TMEM38B: variants seen among roughly 807,000 people sequenced by gnomAD.
TMEM38B encodes transmembrane protein 38B, also known as trimeric intracellular cation channel type B.
TMEM38B carries 24 observed loss-of-function variants against 28.7 expected under a neutral mutation model. The observed-to-expected ratio is 0.84, with a 90% CI of 0.61 to 1.18. The LOEUF (loss-of-function observed/expected upper bound fraction) is 1.18. Among genes scored for constraint, TMEM38B ranks in the 50% most tolerant of loss-of-function variants. TMEM38B has a pLI of 0.00. For missense variants in TMEM38B, 380 were observed against 350.9 expected (o/e 1.08, Z -0.66); for synonymous variants, 131 against 127.7 (o/e 1.03, Z -0.17).
chr9:105,742,821 A>G (rs2133609103), intron 4 of TMEM38B, among the ~76,000 whole-genome samples: 1 of 152,318 alleles, frequency 6.6e-6, no homozygotes, highest in East Asian at 1.9e-4. Context: ...ATATAATTCC[A>G]TGTTTTTATC....
chr9:105,763,615 G>A (rs1838149008), intron 5 of TMEM38B, among the ~76,000 whole-genome samples: 1 of 152,170 alleles, frequency 6.6e-6, no homozygotes, highest in Admixed American at 6.5e-5. Flanking sequence ...AAAGAGTCCA[G>A]GACCAGACAG....
In TMEM38B at chr9:105,701,986, A is replaced by G. The variant is rs530989754; in HGVS notation, c.113-3611A>G. ...TCCCAGCACTTTGGGAGGCTGAGGC[A>G]GGAGGATCACTTGAGGCCAGAAGTT... On this transcript the variant is annotated intron_variant, in intron 1 of 5. Coordinates refer to ENST00000374692, the MANE Select transcript of TMEM38B (RefSeq NM_018112.3). 5.9e-5 allele frequency among the ~76,000 whole-genome samples: 9 copies of G among 152,310 alleles called. No individual in the cohort carries two copies. The East Asian group carries it at 1.7e-3, about 29-fold the overall frequency.
intron 2 of TMEM38B, chr9:105,710,806 G>GGAGA: frequency 2.3e-6 from 1 of 437,846 alleles, no homozygotes; most frequent in Non-Finnish European, 4.4e-6. Flanking sequence ...TCCACTGGGT[G>GGAGA]CACTAACGGG....
chr9:105,710,156 A>G (rs1477466650), intron 2 of TMEM38B: 1 of 272,740 alleles, frequency 3.7e-6, no homozygotes, highest in South Asian at 7.7e-5. Flanking sequence ...ATATTTGTAC[A>G]GTATTCATAC....
chr9:105,768,849 C>T (rs10117187), intron 5 of TMEM38B, among the ~76,000 whole-genome samples: 1 of 151,880 alleles, frequency 6.6e-6, no homozygotes, highest in East Asian at 1.9e-4. Context: ...TTTCAAAGAC[C>T]CAGCTTTTGG....
chr9:105,698,478 A>G (rs1588378892), intron 1 of TMEM38B, among the ~76,000 whole-genome samples: 2 of 151,992 alleles, frequency 1.3e-5, no homozygotes, highest in South Asian at 2.1e-4. Context: ...TTTTTTTTCA[A>G]AATCTATTGA....
In TMEM38B at chr9:105,760,459, C is replaced by T. The variant is rs1176866569; in HGVS notation, c.660+12269C>T. ...AAATCCTGGAGATGGACTATTTGTT[C>T]CTTTGCCAACTTATTCATACTGTAA... On this transcript the variant is annotated intron_variant, in intron 5 of 5. Transcript: ENST00000374692. 23 of 738,490 alleles carry T rather than the reference C, an allele frequency of 3.1e-5. No homozygotes were observed. In the South Asian group the frequency reaches 3.5e-4, roughly 11 times the overall value. 45.7% of individuals were successfully genotyped at this position (738,490 alleles called of 1,614,324 possible).
chr9:105,741,715 G>A (rs1266958817), intron 4 of TMEM38B, among the ~76,000 whole-genome samples: 3 of 152,170 alleles, frequency 2.0e-5, no homozygotes, highest in African/African-American at 7.2e-5. Context: ...TCTTCCTGAT[G>A]CTTATAATAA....
chr9:105,718,077 T>TA (rs1211377378), intron 2 of TMEM38B, among the ~76,000 whole-genome samples: 1 of 152,240 alleles, frequency 6.6e-6, no homozygotes, highest in Non-Finnish European at 1.5e-5. Context: ...AATCTGTACT[T>TA]ACACAGTATA....
At chr9:105,755,262 G>A (rs1178604115) in intron 5 of TMEM38B, among the ~76,000 whole-genome samples, 1 of 152,134 alleles carries the variant, frequency 6.6e-6, no homozygotes, top group Non-Finnish European at 1.5e-5. Context: ...TATTGAAAAG[G>A]AGAGACTCCT....
At chr9:105,758,262 A>T (rs1355099321) in intron 5 of TMEM38B, 4 of 671,222 alleles carry the variant, frequency 6.0e-6, no homozygotes, top group Non-Finnish European at 1.1e-5. Flanking sequence ...ACCAGTGTGG[A>T]CACTGAGGCT....
At chr9:105,732,564 G>A (rs1836792174) in intron 4 of TMEM38B, among the ~76,000 whole-genome samples, 1 of 152,118 alleles carries the variant, frequency 6.6e-6, no homozygotes, top group African/African-American at 2.4e-5. Flanking sequence ...ATTAAATAGG[G>A]AATCCTTTCC....
At chr9:105,724,400 C>T (rs980816468) in intron 4 of TMEM38B, among the ~76,000 whole-genome samples, 7 of 151,676 alleles carry the variant, frequency 4.6e-5, no homozygotes, top group South Asian at 2.1e-4. Context: ...TTTGGGAGGC[C>T]GAGGCAGGCG....
At chr9:105,757,802 T>C (rs192836193) in intron 5 of TMEM38B, among the ~76,000 whole-genome samples, 276 of 152,246 alleles carry the variant, frequency 1.8e-3, no homozygotes, top group African/African-American at 6.3e-3. Flanking sequence ...AGAAAAATGA[T>C]TGTAATCAAT....
chr9:105,747,151 G>A (rs2133616383), intron 4 of TMEM38B, among the ~76,000 whole-genome samples: 1 of 152,296 alleles, frequency 6.6e-6, no homozygotes, highest in Admixed American at 6.5e-5. Context: ...AGAAGGAATG[G>A]TACCAGCTCC....
chr9:105,754,912 A>G lies in TMEM38B; in HGVS notation c.660+6722A>G, dbSNP rs745352387. ...AAAAACAGAGAAGAATCAAATAAAC[A>G]CAATCAGAAATGATAACACTGACCC... On this transcript the variant is annotated intron_variant, in intron 5 of 5. Transcript: ENST00000374692. Among the ~76,000 whole-genome samples the G allele has an allele frequency of 7.6e-4, 115 of 152,316 alleles. 1 individual carries two copies. The highest frequency in any genetic ancestry group is 3.4e-3 in the Middle Eastern group (1 of 294).
At chr9:105,722,395 A>G in intron 3 of TMEM38B, 139 bp from the exon 4 acceptor site, 2 of 718,492 alleles carry the variant, frequency 2.8e-6, no homozygotes, top group Admixed American at 2.5e-5. Context: ...GTACAAGGCA[A>G]CTTTTTTCTT....
intron 4 of TMEM38B, among the ~76,000 whole-genome samples, chr9:105,734,625 A>G (rs770049184): frequency 5.9e-5 from 9 of 152,088 alleles, no homozygotes; most frequent in Non-Finnish European, 1.2e-4. Context: ...AATGTTGGGA[A>G]CATATATATT....
At chr9:105,695,014 C>A (rs1232465084) in intron 1 of TMEM38B, among the ~76,000 whole-genome samples, 1 of 152,200 alleles carries the variant, frequency 6.6e-6, no homozygotes, top group African/African-American at 2.4e-5. Flanking sequence ...ACCTGGGGTC[C>A]GCGAGGCCGT....
Sources: allele counts gnomAD v4.1 joint callset (sites outside exome capture counted in the v4.1 genomes callset), GRCh38; gene constraint gnomAD v4.1.1; transcripts MANE v1.5; gene names NCBI Gene and HGNC (gene_info 2026-07-23, HGNC 2026-07-21).